MYZAP: variants seen among roughly 807,000 people sequenced by gnomAD.
MYZAP encodes myocardial zonula adherens protein.
Under a neutral mutation model 69.4 loss-of-function variants are expected in MYZAP, and 66 were observed. The observed-to-expected ratio is 0.95, with a 90% CI of 0.78 to 1.17. MYZAP has a LOEUF of 1.17. Ranked by LOEUF, MYZAP falls within the 50% of genes most tolerant of loss-of-function variation. MYZAP has a pLI of 0.00. For synonymous variants in MYZAP, 256 were observed against 205.9 expected, an observed-to-expected ratio of 1.24 and a Z score of -2.09; for missense variants, 611 against 556.2, an observed-to-expected ratio of 1.10 and a Z score of -0.99.
intron 2 of MYZAP, among the ~76,000 whole-genome samples, chr15:57,614,888 A>T (rs946527238): frequency 6.6e-6 from 1 of 152,164 alleles, no homozygotes; most frequent in South Asian, 2.1e-4. Flanking sequence ...GATTAAAGAA[A>T]ATATATATTT....
rs1469190643 is a variant in MYZAP at position 57,629,840 on chromosome 15, C to A, written c.664C>A (p.Leu222Met). 1 of 1,613,368 alleles carries A rather than the reference C, an allele frequency of 6.2e-7. No individual in the cohort carries two copies. The highest frequency in any genetic ancestry group is 1.1e-5 in the South Asian group (1 of 90,888). The change falls in exon 6 of 13, where the codon CTG (leucine) becomes ATG (methionine). Residue 222 changes from leucine (L) to methionine (M), a missense_variant. Physicochemically the swap from Leu to Met is conservative, Grantham distance 15. Coordinates refer to ENST00000267853, the MANE Select transcript of MYZAP (RefSeq NM_001018100.5). Reference sequence around the variant, plus strand: ...GGAGGTAGCGCAAGTTGAAAACCAGCTGCTAAAAATGAAGGTGGAGTATAA... The same window carrying A: ...GGAGGTAGCGCAAGTTGAAAACCAGATGCTAAAAATGAAGGTGGAGTATAA... Reference protein sequence around the residue: ...QLEVAQVENQLLKMKVESSQE... With the variant: ...QLEVAQVENQMLKMKVESSQE...
intron 1 of MYZAP, among the ~76,000 whole-genome samples, chr15:57,597,737 C>T (rs1271960810): frequency 1.3e-5 from 2 of 152,212 alleles, no homozygotes; most frequent in Admixed American, 6.5e-5. Flanking sequence ...GTCTGGCTCT[C>T]TACAGAAAAA....
chr15:57,655,556 AG>A (rs2037971393), intron 10 of MYZAP, among the ~76,000 whole-genome samples: 1 of 152,132 alleles, frequency 6.6e-6, no homozygotes, highest in South Asian at 2.1e-4. Context: ...ATGATTACTT[AG>A]CTCAAACCAC....
chr15:57,630,070 G>A (rs1290175176), intron 6 of MYZAP, among the ~76,000 whole-genome samples: 2 of 149,736 alleles, frequency 1.3e-5, no homozygotes, highest in Non-Finnish European at 3.0e-5. Context: ...CTGGGTTCAA[G>A]CAATTCTCGT....
At chr15:57,666,825 T>G (rs6493940) in intron 11 of MYZAP, among the ~76,000 whole-genome samples, 139,303 of 152,154 alleles carry the variant, frequency 0.92, 64,686 homozygotes, top group Non-Finnish European at 0.99. Context: ...CTAAAATAAA[T>G]GTGAAAAAGA....
intron 5 of MYZAP, among the ~76,000 whole-genome samples, chr15:57,628,516 G>A (rs1449668875): frequency 6.6e-6 from 1 of 151,932 alleles, no homozygotes; most frequent in Non-Finnish European, 1.5e-5. Flanking sequence ...GCCTCCCAAA[G>A]TGCTGGGATT....
chr15:57,629,970 G>GCTTTTTTTTTT (rs1567216271), intron 6 of MYZAP, 116 bp downstream of exon 6: 1 of 859,470 alleles, frequency 1.2e-6, no homozygotes. Context: ...TTCTTCATTG[G>GCTTTTTTTTTT]ATTTTTTTTT....
intron 10 of MYZAP, among the ~76,000 whole-genome samples, chr15:57,652,367 A>G (rs562944172): frequency 6.6e-6 from 1 of 152,212 alleles, no homozygotes; most frequent in Middle Eastern, 3.4e-3. Context: ...ATATTTCTCT[A>G]TGCATTATTT....
At chr15:57,600,566 T>C (rs1183281203) in intron 1 of MYZAP, among the ~76,000 whole-genome samples, 1 of 152,160 alleles carries the variant, frequency 6.6e-6, no homozygotes, top group African/African-American at 2.4e-5. Flanking sequence ...GGAGGGACCA[T>C]CTAACTTTTG....
At chr15:57,611,383 A>G (rs2035093212) in intron 2 of MYZAP, among the ~76,000 whole-genome samples, 1 of 152,208 alleles carries the variant, frequency 6.6e-6, no homozygotes, top group African/African-American at 2.4e-5. Flanking sequence ...AGTCAAGGTT[A>G]CCGAAGGTGT....
At chr15:57,646,334 GA>G in intron 10 of MYZAP, 1 of 1,194,276 alleles carries the variant, frequency 8.4e-7, no homozygotes, top group Non-Finnish European at 1.1e-6. Flanking sequence ...TTATTTAAAG[GA>G]AAATTTGACC....
chr15:57,641,412 G>A (rs1046169337), intron 10 of MYZAP, among the ~76,000 whole-genome samples: 1 of 152,068 alleles, frequency 6.6e-6, no homozygotes, highest in East Asian at 1.9e-4. Context: ...TTATACATGT[G>A]TATACATATG....
At chr15:57,671,676 G>A (rs2038874232) in intron 11 of MYZAP, among the ~76,000 whole-genome samples, 1 of 151,498 alleles carries the variant, frequency 6.6e-6, no homozygotes, top group South Asian at 2.1e-4. Flanking sequence ...TCCATCTAGT[G>A]ACTTTTAAAA....
intron 8 of MYZAP, among the ~76,000 whole-genome samples, chr15:57,635,330 T>G (rs1195327605): frequency 6.6e-6 from 1 of 152,216 alleles, no homozygotes; most frequent in Non-Finnish European, 1.5e-5. Context: ...TGGCTATGAT[T>G]TTTACTCTGT....
intron 10 of MYZAP, among the ~76,000 whole-genome samples, chr15:57,651,184 T>C (rs1279085539): frequency 6.6e-6 from 1 of 152,158 alleles, no homozygotes; most frequent in Non-Finnish European, 1.5e-5. Flanking sequence ...TAGGAAGCGC[T>C]TCCAAAATGC....
intron 12 of MYZAP, among the ~76,000 whole-genome samples, chr15:57,679,899 G>A (rs1338146091): frequency 2.6e-5 from 4 of 152,156 alleles, no homozygotes; most frequent in Non-Finnish European, 4.4e-5. Context: ...GGCCGAGTGC[G>A]CCATCTCTTT....
rs143658658 is a variant in MYZAP, at chr15:57,605,862, A to G, written c.162+1507A>G. 2.1e-3 allele frequency among the ~76,000 whole-genome samples: 316 copies of G among 152,272 alleles called. 2 individuals are homozygous for G. The highest frequency in any genetic ancestry group is 6.9e-3 in the African/African-American group (286 of 41,552). ...TAGCAGCCAGTTTGAATGGGCTTTCACTGGCCAAAATGGGAACAGCTGGAG... is the reference window on the plus strand; with the variant it reads ...TAGCAGCCAGTTTGAATGGGCTTTCGCTGGCCAAAATGGGAACAGCTGGAG... On this transcript the variant is annotated intron_variant, in intron 2 of 12. Coordinates refer to ENST00000267853, the MANE Select transcript of MYZAP (RefSeq NM_001018100.5).
At chr15:57,647,724 A>G in intron 10 of MYZAP, 1 of 985,354 alleles carries the variant, frequency 1.0e-6, no homozygotes, top group Non-Finnish European at 1.2e-6. Flanking sequence ...GATGCCCTCC[A>G]CACCTCCTGC....
chr15:57,648,213 T>G, intron 10 of MYZAP: 1 of 985,406 alleles, frequency 1.0e-6, no homozygotes, highest in South Asian at 4.7e-5. Flanking sequence ...ATGTGTTATA[T>G]GTATTATTTA....
Sources: gnomAD v4.1 joint callset for allele counts (sites outside exome capture counted in the v4.1 genomes callset) on GRCh38, gnomAD v4.1.1 for gene constraint, MANE v1.5 for transcripts, NCBI Gene and HGNC (gene_info 2026-07-23, HGNC 2026-07-21) for gene names.